The following SRGAP3 variants were observed in gnomAD, a reference collection of about 807,000 sequenced individuals.
The protein encoded by SRGAP3 is SLIT-ROBO Rho GTPase-activating protein 3.
Under a neutral mutation model 121.1 loss-of-function variants are expected in SRGAP3, and 39 were observed. The ratio of observed to expected loss-of-function variants is 0.32; its 90% CI spans 0.25 to 0.42. SRGAP3 has a LOEUF of 0.42. SRGAP3 is among the 10% of genes least tolerant of loss of function. The pLI is 1.00. For missense variants in SRGAP3, 1,213 were observed against 1,470.6 expected, an observed-to-expected ratio of 0.82 and a Z score of 2.86; for synonymous variants, 601 against 570.0, an observed-to-expected ratio of 1.05 and a Z score of -0.77.
At chr3:9,263,350 C>T (rs552742498) in intron 3 of SRGAP3, among the ~76,000 whole-genome samples, 88 of 151,758 alleles carry the variant, frequency 5.8e-4, no homozygotes, top group African/African-American at 2.0e-3. Context: ...TACCAGAAGA[C>T]GAGAAATAAC....
At chr3:9,358,119 A>C (rs2030617788) in intron 1 of SRGAP3, among the ~76,000 whole-genome samples, 1 of 152,092 alleles carries the variant, frequency 6.6e-6, no homozygotes, top group Non-Finnish European at 1.5e-5. Flanking sequence ...TTTAAACTGT[A>C]AAATTCAGTG....
At chr3:9,051,442 A>G (rs1331812640) in intron 9 of SRGAP3, among the ~76,000 whole-genome samples, 2 of 152,172 alleles carry the variant, frequency 1.3e-5, no homozygotes, top group Admixed American at 1.3e-4. Flanking sequence ...GACAGCACGT[A>G]TGCTGAGTAA....
chr3:9,130,228 C>T (rs1327395145), intron 1 of SRGAP3, among the ~76,000 whole-genome samples: 1 of 152,168 alleles, frequency 6.6e-6, no homozygotes, highest in Non-Finnish European at 1.5e-5. Context: ...ACCCCCCACA[C>T]ATACATACAT....
chr3:9,163,292 C>T (rs1413126505), intron 1 of SRGAP3, among the ~76,000 whole-genome samples: 1 of 152,238 alleles, frequency 6.6e-6, no homozygotes, highest in Non-Finnish European at 1.5e-5. Context: ...CCTGCGGCTC[C>T]AAGCTAAGGC....
intron 2 of SRGAP3, among the ~76,000 whole-genome samples, chr3:9,123,397 A>ATATATATATATATATATATATAT (rs764680440): frequency 9.0e-5 from 8 of 89,220 alleles, no homozygotes; most frequent in South Asian, 3.2e-4. Flanking sequence ...ATACATACAC[A>ATATATATATATATATATATATAT]ATACACATAC....
intron 8 of SRGAP3, among the ~76,000 whole-genome samples, chr3:9,055,122 A>G (rs562983606): frequency 6.3e-4 from 96 of 152,372 alleles, no homozygotes; most frequent in Admixed American, 2.0e-3. Context: ...GTCTCTTTCC[A>G]GGTTTGAAAA....
intron 12 of SRGAP3, among the ~76,000 whole-genome samples, chr3:9,028,864 G>A (rs1188848085): frequency 6.6e-6 from 1 of 152,188 alleles, no homozygotes; most frequent in Non-Finnish European, 1.5e-5. Flanking sequence ...AGTTGAGTCA[G>A]AATGCCTTCA....
rs367726345 is a variant in SRGAP3 at position 8,990,662 on chromosome 3, C to T, written c.2736G>A (p.Arg912=). 2.9e-5 allele frequency: 47 copies of T among 1,613,592 alleles called. No individual in the cohort carries two copies. Among genetic ancestry groups the T allele is most frequent in the Non-Finnish European group, 3.7e-5 (44 of 1,179,978 alleles). The change falls in exon 21 of 22, where the codon CGG becomes CGA. Residue 912 remains arginine (R), a synonymous_variant. Transcript: ENST00000383836. ...TRGRIESPEK[R]RMATFGSAGS... ...CAGCGCTCCCGAACGTCGCCATCCT[C>T]CGCTTCTCAGGGCTCTCGATCCTCC...
intron 3 of SRGAP3, among the ~76,000 whole-genome samples, chr3:9,258,623 A>T (rs556696807): frequency 6.6e-6 from 1 of 152,334 alleles, no homozygotes; most frequent in South Asian, 2.1e-4. Flanking sequence ...CATCATACTG[A>T]AAATACTGGC....
At chr3:9,117,008 A>G (rs1490981573) in intron 2 of SRGAP3, among the ~76,000 whole-genome samples, 1 of 152,228 alleles carries the variant, frequency 6.6e-6, no homozygotes, top group Non-Finnish European at 1.5e-5. Context: ...AACGACCTGC[A>G]CAGCACAGGC....
intron 16 of SRGAP3, 84 bp downstream of exon 16, chr3:9,013,653 C>G (rs1385841397): frequency 6.4e-7 from 1 of 1,566,114 alleles, no homozygotes; most frequent in African/African-American, 1.4e-5. Flanking sequence ...CCTTTAAAAA[C>G]AGCATCTGCA....
rs1955228675 is a variant in SRGAP3, at chr3:9,310,840, G to C, written n.442+15170C>G. The stretch of plus-strand genomic sequence containing the variant: ...TTGACTCTTTAAGCTGCTTGAATGA[G>C]GTTTTTGTTACCTGCAATCTAAAGA... On this transcript the variant is annotated intron_variant and non_coding_transcript_variant, in intron 3 of 3. Transcript: ENST00000490889. Among the ~76,000 whole-genome samples, 5 of 152,094 alleles carry C rather than the reference G, an allele frequency of 3.3e-5. No individual in the cohort carries two copies. In the South Asian group the frequency reaches 1.0e-3, roughly 31 times the overall value.
intron 3 of SRGAP3, among the ~76,000 whole-genome samples, chr3:9,286,160 AC>A (rs1342294565): frequency 1.2e-4 from 17 of 142,958 alleles, no homozygotes; most frequent in Non-Finnish European, 2.3e-4. Context: ...ACACACACAC[AC>A]ATTTATCTGT....
At chr3:9,182,120 G>C (rs1951426425) in intron 1 of SRGAP3, among the ~76,000 whole-genome samples, 1 of 122,852 alleles carries the variant, frequency 8.1e-6, no homozygotes. Context: ...AGGTTGCAGT[G>C]ACCCAAGATT....
intron 1 of SRGAP3, among the ~76,000 whole-genome samples, chr3:9,343,671 TC>T (rs1268242737): frequency 1.3e-5 from 2 of 152,302 alleles, no homozygotes; most frequent in African/African-American, 4.8e-5. Context: ...TCTTATATGC[TC>T]TACTTTTAAA....
intron 1 of SRGAP3, among the ~76,000 whole-genome samples, chr3:9,174,403 T>C (rs956029926): frequency 3.3e-5 from 5 of 152,066 alleles, no homozygotes; most frequent in Admixed American, 2.6e-4. Context: ...GTTTAACAAA[T>C]GAGTAAATGA....
At chr3:9,156,285 GGTTT>G (rs1395855246) in intron 1 of SRGAP3, among the ~76,000 whole-genome samples, 1 of 152,160 alleles carries the variant, frequency 6.6e-6, no homozygotes, top group Non-Finnish European at 1.5e-5. Flanking sequence ...TTGAATGGGA[GGTTT>G]GTTTTGTGTT....
intron 2 of SRGAP3, among the ~76,000 whole-genome samples, chr3:9,121,618 G>T (rs1401807203): frequency 6.6e-6 from 1 of 152,242 alleles, no homozygotes; most frequent in African/African-American, 2.4e-5. Flanking sequence ...TGCCAGCTGG[G>T]GCTCCCGTTC....
At chr3:9,222,553 C>G (rs563910434) in intron 1 of SRGAP3, among the ~76,000 whole-genome samples, 40 of 152,334 alleles carry the variant, frequency 2.6e-4, no homozygotes, top group African/African-American at 9.4e-4. Context: ...GTTTAGTAAA[C>G]TCCTGCACGT....
Sources: gnomAD v4.1 joint callset for allele counts (sites outside exome capture counted in the v4.1 genomes callset) on GRCh38, gnomAD v4.1.1 for gene constraint, MANE v1.5 for transcripts, NCBI Gene and HGNC (gene_info 2026-07-23, HGNC 2026-07-21) for gene names.